Variants in FAM200C observed in about 807,000 individuals in gnomAD.
chr5:160,394,024 ATAAC>A, the FAM200C span: 21 of 1,612,632 alleles, frequency 1.3e-5, no homozygotes, highest in Admixed American at 6.7e-5. Context: ...TTTTCATTAA[ATAAC>A]TATCATCAAC....
chr5:160,395,314 A>C, the FAM200C span: 4 of 1,614,220 alleles, frequency 2.5e-6, no homozygotes, highest in South Asian at 1.1e-5. Context: ...GATCATGCCC[A>C]GCTACACCAC....
At chr5:160,394,508 T>G in the FAM200C span, 8 of 1,613,964 alleles carry the variant, frequency 5.0e-6, no homozygotes, top group Admixed American at 6.7e-5. Context: ...CATTTCAGTA[T>G]GGAAAAGGAG....
At chr5:160,394,317 G>T in the FAM200C span, 3 of 1,613,678 alleles carry the variant, frequency 1.9e-6, no homozygotes, top group Non-Finnish European at 2.5e-6. Flanking sequence ...CCAGTCCTCT[G>T]CATAGATGCA....
the FAM200C span, chr5:160,395,574 C>A: frequency 9.2e-7 from 1 of 1,091,026 alleles, no homozygotes; most frequent in Non-Finnish European, 1.4e-6. Context: ...ACATTAAAAA[C>A]CAGTGGCTAA....
At chr5:160,393,429 C>T in the FAM200C span, 6 of 355,788 alleles carry the variant, frequency 1.7e-5, no homozygotes, top group Non-Finnish European at 3.0e-5. Flanking sequence ...GCTGGATATT[C>T]TAGTGCTTAG....
the FAM200C span, among the ~76,000 whole-genome samples, chr5:160,395,976 AGGGT>A: frequency 6.6e-6 from 1 of 152,196 alleles, no homozygotes; most frequent in Non-Finnish European, 1.5e-5. Flanking sequence ...TAAATAAGGA[AGGGT>A]GGATTCTGAC....
At chr5:160,396,633 T>C in the FAM200C span, among the ~76,000 whole-genome samples, 220 of 140,146 alleles carry the variant, frequency 1.6e-3, no homozygotes, top group African/African-American at 5.7e-3. Context: ...ACGCCTGTAG[T>C]CCCAGCTACT....
the FAM200C span, among the ~76,000 whole-genome samples, chr5:160,397,773 C>G: frequency 5.3e-5 from 8 of 152,168 alleles, no homozygotes; most frequent in African/African-American, 1.7e-4. Flanking sequence ...CTTCTTTTGT[C>G]AAGTAATGAG....
At chr5:160,396,008 TG>T in the FAM200C span, among the ~76,000 whole-genome samples, 2 of 152,154 alleles carry the variant, frequency 1.3e-5, no homozygotes, top group African/African-American at 2.4e-5. Context: ...TTAAAATAAT[TG>T]TATACATTTA....
the FAM200C span, among the ~76,000 whole-genome samples, chr5:160,398,167 A>AG: frequency 6.6e-6 from 1 of 152,096 alleles, no homozygotes; most frequent in Non-Finnish European, 1.5e-5. Flanking sequence ...GCTTGAACCC[A>AG]GGGGGCAGAG....
the FAM200C span, among the ~76,000 whole-genome samples, chr5:160,395,836 T>A: frequency 1.3e-5 from 2 of 152,322 alleles, no homozygotes; most frequent in African/African-American, 4.8e-5. Flanking sequence ...CAATAATGTA[T>A]GTTACAAACA....
At chr5:160,393,379 CTT>C in the FAM200C span, 1 of 219,722 alleles carries the variant, frequency 4.6e-6, no homozygotes, top group African/African-American at 2.3e-5. Context: ...GATATCTTCT[CTT>C]TTCTCCTGGC....
the FAM200C span, chr5:160,395,667 T>G: frequency 1.6e-6 from 1 of 621,724 alleles, no homozygotes; most frequent in Non-Finnish European, 2.8e-6. Context: ...AAGTAAGCCA[T>G]GACAGGATAT....
the FAM200C span, chr5:160,394,705 CTCT>C: frequency 1.2e-6 from 2 of 1,614,168 alleles, no homozygotes; most frequent in Non-Finnish European, 1.7e-6. Flanking sequence ...TATGAGGTAT[CTCT>C]TTTTTCACGT....
the FAM200C span, chr5:160,395,277 G>C: frequency 6.2e-7 from 1 of 1,614,084 alleles, no homozygotes. Flanking sequence ...TGATCAGATG[G>C]TGCTGGCATA....
the FAM200C span, chr5:160,394,505 G>C: frequency 6.2e-7 from 1 of 1,614,044 alleles, no homozygotes; most frequent in South Asian, 1.1e-5. Context: ...CCTCATTTCA[G>C]TATGGAAAAG....
chr5:160,394,716 C>T, the FAM200C span: 25 of 1,614,062 alleles, frequency 1.5e-5, no homozygotes, highest in South Asian at 4.4e-5. Context: ...TCTTTTTTCA[C>T]GTAGGCAACA....
At chr5:160,393,215 G>C in the FAM200C span, 1 of 153,452 alleles carries the variant, frequency 6.5e-6, no homozygotes, top group African/African-American at 2.4e-5. Context: ...GACATTGTGA[G>C]ACTAACTCCA....
the FAM200C span, chr5:160,400,001 A>T: frequency 6.6e-6 from 1 of 152,252 alleles, no homozygotes; most frequent in Non-Finnish European, 1.5e-5. Flanking sequence ...TGGAGAGAGA[A>T]GCATCCGCAA....
Sources: gnomAD v4.1 joint callset for allele counts (sites outside exome capture counted in the v4.1 genomes callset) on GRCh38, gnomAD v4.1.1 for gene constraint, MANE v1.5 for transcripts.